Variants in HMGA2 observed in about 807,000 individuals in gnomAD.
HMGA2 encodes the protein high mobility group AT-hook 2, also known as high mobility group protein HMGI-C.
In HMGA2, 8 loss-of-function variants were observed where a neutral mutation model predicts 19.1. The ratio of observed to expected loss-of-function variants is 0.42; its 90% confidence interval spans 0.25 to 0.76. The LOEUF (loss-of-function observed/expected upper bound fraction) is 0.76. HMGA2 is among the 30% of genes least tolerant of loss of function. The probability of loss-of-function intolerance (pLI) is 0.28; values close to 1 mark genes in which losing one functional copy is unlikely to be tolerated. For synonymous variants in HMGA2, 60 were observed against 48.8 expected (o/e 1.23, Z -0.96); for missense variants, 109 against 136.3 (o/e 0.80, Z 1.00).
chr12:65,855,347 A>G (rs933425716), intron 3 of HMGA2, among the ~76,000 whole-genome samples: 4 of 152,058 alleles, frequency 2.6e-5, no homozygotes, highest in African/African-American at 9.7e-5. Flanking sequence ...TCCACATTTG[A>G]GAATGCCACT....
intron 3 of HMGA2, among the ~76,000 whole-genome samples, chr12:65,840,053 AG>A (rs1430709550): frequency 2.0e-5 from 3 of 152,172 alleles, no homozygotes; most frequent in Admixed American, 2.0e-4. Context: ...TTCCCCATAA[AG>A]GAACATTCTT....
At chr12:65,893,298 C>T (rs1030768916) in intron 3 of HMGA2, among the ~76,000 whole-genome samples, 1 of 152,174 alleles carries the variant, frequency 6.6e-6, no homozygotes, top group Admixed American at 6.5e-5. Flanking sequence ...AAACCTAAGG[C>T]ATTTAGTTTC....
chr12:65,864,252 A>T (rs1241907152), intron 3 of HMGA2, among the ~76,000 whole-genome samples: 1 of 152,214 alleles, frequency 6.6e-6, no homozygotes, highest in Admixed American at 6.5e-5. Context: ...ATTCATAAAA[A>T]AAACACCCCA....
intron 3 of HMGA2, among the ~76,000 whole-genome samples, chr12:65,894,305 T>C (rs1014744985): frequency 5.9e-5 from 9 of 152,192 alleles, no homozygotes; most frequent in African/African-American, 2.2e-4. Flanking sequence ...AGGCACTGCA[T>C]ATTTCTTTGA....
At chr12:65,950,655 A>G (rs930079230) in intron 3 of HMGA2, among the ~76,000 whole-genome samples, 1 of 152,156 alleles carries the variant, frequency 6.6e-6, no homozygotes, top group Admixed American at 6.5e-5. Flanking sequence ...TGGTTGCACA[A>G]CCCTCTGAAT....
chr12:65,925,789 G>A (rs553069657), intron 3 of HMGA2, among the ~76,000 whole-genome samples: 16 of 152,230 alleles, frequency 1.1e-4, no homozygotes, highest in Admixed American at 6.5e-5. Flanking sequence ...GGCATTTTCA[G>A]TTGTGTGCAC....
At chr12:65,835,121 A>G (rs1032601393) in intron 2 of HMGA2, among the ~76,000 whole-genome samples, 1 of 152,222 alleles carries the variant, frequency 6.6e-6, no homozygotes, top group Non-Finnish European at 1.5e-5. Context: ...ATGGGTTTGT[A>G]GTATAAAGCC....
chr12:65,877,896 G>T (rs140627853), intron 3 of HMGA2, among the ~76,000 whole-genome samples: 1 of 151,966 alleles, frequency 6.6e-6, no homozygotes, highest in Non-Finnish European at 1.5e-5. Context: ...TCATGGGATT[G>T]TAAACGCTCA....
intron 2 of HMGA2, among the ~76,000 whole-genome samples, chr12:65,833,680 G>C (rs1010090497): frequency 6.6e-6 from 1 of 151,982 alleles, no homozygotes; most frequent in African/African-American, 2.4e-5. Context: ...TTAAATTTTT[G>C]AATGGCAGTT....
At position 65,844,301 on chromosome 12, in the gene HMGA2, T is replaced by A. The variant is rs141033186; in HGVS notation, c.249+5732T>A. ...AAAGCAACTGCATTTTTAAAATACA[T>A]GCTTAGTAATTAAATATAAATTTGC... On this transcript the variant is annotated intron_variant, in intron 3 of 4. Coordinates refer to ENST00000403681, the MANE Select transcript of HMGA2 (RefSeq NM_003483.6). Among the ~76,000 whole-genome samples, 167 of 152,274 alleles carry A rather than the reference T, an allele frequency of 1.1e-3. 1 individual carries two copies. The highest frequency in any genetic ancestry group is 3.9e-3 in the African/African-American group (161 of 41,562).
chr12:65,947,262 G>A (rs1876301017), intron 3 of HMGA2, among the ~76,000 whole-genome samples: 1 of 152,138 alleles, frequency 6.6e-6, no homozygotes, highest in South Asian at 2.1e-4. Flanking sequence ...TGGGAGTACA[G>A]GCATGCGCCA....
chr12:65,935,982 A>C (rs1269182601), intron 3 of HMGA2, among the ~76,000 whole-genome samples: 2 of 152,260 alleles, frequency 1.3e-5, no homozygotes, highest in South Asian at 2.1e-4. Context: ...GCGTCCTGTT[A>C]CAGTAATATT....
intron 2 of HMGA2, among the ~76,000 whole-genome samples, chr12:65,836,701 T>C (rs1870743968): frequency 6.6e-6 from 1 of 152,202 alleles, no homozygotes; most frequent in Non-Finnish European, 1.5e-5. Context: ...ATTCATGCCC[T>C]TGGGACTGAA....
rs752978346 is a variant in HMGA2 at position 65,825,221 on chromosome 12, G to A, written c.-50G>A. On this transcript the variant is annotated 5_prime_UTR_variant, in exon 1 of 5. Coordinates refer to ENST00000403681, the MANE Select transcript of HMGA2 (RefSeq NM_003483.6). The surrounding 1 kb of genome is among the most constrained non-coding windows in gnomAD (Gnocchi z 4.4). ...CCGAAAGGTGCTGGGCAGCTCCGGG[G>A]CGGTCGAGGCGAAGCGGCTGCAGCG... 1.6e-5 allele frequency: 24 copies of A among 1,458,832 alleles called. No homozygotes were observed. In the South Asian group the frequency reaches 2.6e-4, roughly 16 times the overall value. 90.4% of individuals were successfully genotyped at this position (1,458,832 alleles called of 1,614,324 possible). A position where few individuals can be genotyped will look rare whatever the true frequency, so the allele number is the denominator to read the frequency against.
intron 3 of HMGA2, among the ~76,000 whole-genome samples, chr12:65,855,348 G>A (rs564508599): frequency 6.6e-6 from 1 of 152,138 alleles, no homozygotes; most frequent in South Asian, 2.1e-4. Context: ...CCACATTTGA[G>A]AATGCCACTG....
chr12:65,894,391 A>G (rs1874039331), intron 3 of HMGA2, among the ~76,000 whole-genome samples: 1 of 152,208 alleles, frequency 6.6e-6, no homozygotes, highest in South Asian at 2.1e-4. Flanking sequence ...GATTTCAGAG[A>G]ACTCTATAGT....
At chr12:65,921,361 G>T (rs1270707327) in intron 3 of HMGA2, among the ~76,000 whole-genome samples, 1 of 152,108 alleles carries the variant, frequency 6.6e-6, no homozygotes, top group African/African-American at 2.4e-5. Flanking sequence ...CCGGGTTCAC[G>T]CCATTCTCCT....
At chr12:65,939,023 G>A (rs973382521) in intron 3 of HMGA2, among the ~76,000 whole-genome samples, 2 of 152,156 alleles carry the variant, frequency 1.3e-5, no homozygotes, top group East Asian at 1.9e-4. Flanking sequence ...ATGACTCAGC[G>A]CTTGAGGAAG....
At chr12:65,876,624 C>T (rs1257143696) in intron 3 of HMGA2, among the ~76,000 whole-genome samples, 1 of 152,180 alleles carries the variant, frequency 6.6e-6, no homozygotes, top group Non-Finnish European at 1.5e-5. Flanking sequence ...CAATTTCTGG[C>T]CTCTGATTTT....
Sources: gnomAD v4.1 joint callset for allele counts (sites outside exome capture counted in the v4.1 genomes callset) on GRCh38, gnomAD v4.1.1 for gene constraint, Gnocchi (gnomAD v3.1) non-coding constraint, MANE v1.5 for transcripts, NCBI Gene and HGNC (gene_info 2026-07-23, HGNC 2026-07-21) for gene names.